The following DRC11 variants were observed in gnomAD, a reference collection of about 807,000 sequenced individuals.
DRC11 encodes IQ and AAA domain-containing protein 1.
chr2:236,395,618 A>C, the DRC11 span, among the ~76,000 whole-genome samples: 1 of 152,216 alleles, frequency 6.6e-6, no homozygotes, highest in African/African-American at 2.4e-5. Context: ...AAAAACTTCA[A>C]AATGTAGGAA....
At chr2:236,331,646 T>G in the DRC11 span, 9 of 1,376,472 alleles carry the variant, frequency 6.5e-6, no homozygotes, top group Non-Finnish European at 9.2e-6. The surrounding 1 kb of genome is among the most constrained non-coding windows in gnomAD (Gnocchi z 4.8). Context: ...CACAGAGAAA[T>G]CAGTGCCAGT....
At chr2:236,376,763 G>T in the DRC11 span, among the ~76,000 whole-genome samples, 13 of 152,126 alleles carry the variant, frequency 8.5e-5, no homozygotes, top group African/African-American at 3.1e-4. This position sits in a 1 kb window ranked among gnomAD's most constrained non-coding sequence, Gnocchi z 5.7. Context: ...GCTGCCCCAG[G>T]TGCATTTTTT....
chr2:236,357,293 TTATATATTCATATAGATC>T, the DRC11 span, among the ~76,000 whole-genome samples: 1 of 119,240 alleles, frequency 8.4e-6, no homozygotes, highest in Non-Finnish European at 1.6e-5. Flanking sequence ...TATTTATATA[TTATATATTCATATAGATC>T]TATATATTAT....
At chr2:236,321,630 G>A in the DRC11 span, among the ~76,000 whole-genome samples, 9 of 152,198 alleles carry the variant, frequency 5.9e-5, no homozygotes, top group Admixed American at 5.2e-4. Flanking sequence ...GCAGAAAAGT[G>A]TATGTATCTT....
chr2:236,341,758 GGGA>G, the DRC11 span, among the ~76,000 whole-genome samples: 2 of 152,212 alleles, frequency 1.3e-5, no homozygotes, highest in African/African-American at 4.8e-5. Context: ...GTGTGTGGTG[GGGA>G]GAAGGCCCCA....
chr2:236,371,633 T>C, the DRC11 span, among the ~76,000 whole-genome samples: 7 of 152,288 alleles, frequency 4.6e-5, no homozygotes, highest in Middle Eastern at 3.4e-3. The surrounding 1 kb of genome is among the most constrained non-coding windows in gnomAD (Gnocchi z 5.1). Flanking sequence ...TATGGGTATA[T>C]AGAGAATGCT....
the DRC11 span, among the ~76,000 whole-genome samples, chr2:236,481,525 T>C: frequency 2.6e-5 from 4 of 152,188 alleles, no homozygotes; most frequent in South Asian, 4.1e-4. Context: ...GGTGATAATC[T>C]TGGTGCTGGA....
the DRC11 span, among the ~76,000 whole-genome samples, chr2:236,322,673 G>A: frequency 1.4e-4 from 22 of 152,270 alleles, no homozygotes; most frequent in Admixed American, 5.9e-4. Flanking sequence ...ATGTTAGTGT[G>A]CTAGGAAAAA....
At chr2:236,410,261 C>G in the DRC11 span, among the ~76,000 whole-genome samples, 1 of 151,606 alleles carries the variant, frequency 6.6e-6, no homozygotes, top group Non-Finnish European at 1.5e-5. Flanking sequence ...GGTTGGTAAG[C>G]TATTGATTAT....
the DRC11 span, among the ~76,000 whole-genome samples, chr2:236,422,721 C>T: frequency 2.0e-4 from 30 of 152,038 alleles, no homozygotes; most frequent in African/African-American, 7.3e-4. Flanking sequence ...CATATGGAAC[C>T]AAAAAGGAGC....
chr2:236,366,583 C>T, the DRC11 span, among the ~76,000 whole-genome samples: 2 of 152,094 alleles, frequency 1.3e-5, no homozygotes, highest in Non-Finnish European at 2.9e-5. Flanking sequence ...ACAGTAGGTT[C>T]CTCAGTGAGA....
the DRC11 span, among the ~76,000 whole-genome samples, chr2:236,320,310 A>T: frequency 6.6e-6 from 1 of 152,190 alleles, no homozygotes; most frequent in African/African-American, 2.4e-5. Flanking sequence ...CTTCAATTAA[A>T]GTCTTAAGAC....
At chr2:236,359,838 G>A in the DRC11 span, among the ~76,000 whole-genome samples, 1 of 152,078 alleles carries the variant, frequency 6.6e-6, no homozygotes, top group African/African-American at 2.4e-5. The surrounding 1 kb of genome is among the most constrained non-coding windows in gnomAD (Gnocchi z 4.3). Flanking sequence ...GAGACCTCTG[G>A]GTCTTTCATT....
chr2:236,429,418 A>G, the DRC11 span, among the ~76,000 whole-genome samples: 1 of 152,104 alleles, frequency 6.6e-6, no homozygotes, highest in East Asian at 1.9e-4. The surrounding 1 kb of genome is among the most constrained non-coding windows in gnomAD (Gnocchi z 5.9). Context: ...AGCTACAGGG[A>G]CCAGCTCTGG....
the DRC11 span, among the ~76,000 whole-genome samples, chr2:236,460,008 T>C: frequency 6.6e-6 from 1 of 152,200 alleles, no homozygotes; most frequent in African/African-American, 2.4e-5. This position sits in a 1 kb window ranked among gnomAD's most constrained non-coding sequence, Gnocchi z 4.0. Context: ...CATCATTGTG[T>C]GTCCTATTGG....
the DRC11 span, among the ~76,000 whole-genome samples, chr2:236,436,807 G>C: frequency 2.0e-5 from 3 of 152,076 alleles, no homozygotes; most frequent in African/African-American, 7.2e-5. Context: ...CAGAATATTT[G>C]TCCAACAAAT....
At chr2:236,311,190 C>A in the DRC11 span, among the ~76,000 whole-genome samples, 1 of 152,184 alleles carries the variant, frequency 6.6e-6, no homozygotes, top group African/African-American at 2.4e-5. This position sits in a 1 kb window ranked among gnomAD's most constrained non-coding sequence, Gnocchi z 6.9. Flanking sequence ...GGCCTCACTG[C>A]CTCTCAATGA....
At chr2:236,356,959 AATAT>A in the DRC11 span, among the ~76,000 whole-genome samples, 3 of 110,336 alleles carry the variant, frequency 2.7e-5, no homozygotes, top group Non-Finnish European at 5.5e-5. Context: ...ATATATCATA[AATAT>A]ATATATTATA....
chr2:236,408,854 A>G, the DRC11 span: 1 of 654,062 alleles, frequency 1.5e-6, no homozygotes, highest in Non-Finnish European at 2.8e-6. This position sits in a 1 kb window ranked among gnomAD's most constrained non-coding sequence, Gnocchi z 5.5. Context: ...CAATAGTCAC[A>G]GCCTCTACCA....
Sources: allele counts gnomAD v4.1 joint callset (sites outside exome capture counted in the v4.1 genomes callset), GRCh38; gene constraint gnomAD v4.1.1; non-coding constraint Gnocchi (gnomAD v3.1); transcripts MANE v1.5; gene names NCBI Gene and HGNC (gene_info 2026-07-23, HGNC 2026-07-21).